CCDC112: variants seen among roughly 807,000 people sequenced by gnomAD.
CCDC112 encodes the protein coiled-coil domain containing 112.
Under a neutral mutation model 66.3 loss-of-function variants are expected in CCDC112, and 40 were observed. That is an observed-to-expected ratio of 0.60 (90% CI 0.47 to 0.79). The LOEUF is 0.79. CCDC112 is among the 30% of genes least tolerant of loss of function. The pLI, the probability that CCDC112 is intolerant of heterozygous loss-of-function variation, is 0.00. For synonymous variants in CCDC112, 214 were observed against 197.2 expected (o/e 1.09, Z -0.71); for missense variants, 659 against 603.8 (o/e 1.09, Z -0.96).
chr5:115,268,981 C>G lies in CCDC112; in HGVS notation c.1448G>C (p.Arg483Thr), dbSNP rs2127047922. The part of the protein sequence containing the change: ...LKEKVENNVS[R>T]DPSRLYKPTK... ...GGGTTTGTAAAGCCTAGAGGGATCT[C>G]TACTAACATTGTTTTCAACCTGTAA... The change falls in exon 9 of 10, where the codon AGA (arginine) becomes ACA (threonine). Residue 483 changes from arginine to threonine, a missense_variant. Arg to Thr is a moderately conservative substitution (Grantham distance 71). Coordinates refer to ENST00000379611, the MANE Select transcript of CCDC112 (RefSeq NM_001040440.3). 2.5e-6 allele frequency: 4 copies of G among 1,591,370 alleles called. No individual in the cohort carries two copies. Among genetic ancestry groups the G allele is most frequent in the Non-Finnish European group, 3.4e-6 (4 of 1,169,496 alleles).
chr5:115,285,194 A>G (rs1395360706), intron 1 of CCDC112, among the ~76,000 whole-genome samples: 2 of 152,202 alleles, frequency 1.3e-5, no homozygotes, highest in Non-Finnish European at 2.9e-5. Flanking sequence ...TGTATTGAAC[A>G]CTATGAAGTG....
chr5:115,283,388 C>G (rs1749537408), intron 2 of CCDC112, among the ~76,000 whole-genome samples: 1 of 152,060 alleles, frequency 6.6e-6, no homozygotes, highest in Admixed American at 6.6e-5. Flanking sequence ...CATTGTCTGT[C>G]TTTCTGTGTA....
At chr5:115,268,810 T>C (rs1241101387) in intron 9 of CCDC112, 72 bp downstream of exon 9, 2 of 651,032 alleles carry the variant, frequency 3.1e-6, no homozygotes, top group South Asian at 5.9e-5. Context: ...AATTTACATA[T>C]AGTAAGTGCA....
chr5:115,283,182 G>A (rs1251812321), intron 2 of CCDC112, among the ~76,000 whole-genome samples: 3 of 152,088 alleles, frequency 2.0e-5, no homozygotes, highest in African/African-American at 4.8e-5. Context: ...CATACAATAC[G>A]TTATTATTAA....
At chr5:115,277,090 G>C in intron 3 of CCDC112, 36 bp from the exon 4 acceptor site, 1 of 1,229,158 alleles carries the variant, frequency 8.1e-7, no homozygotes, top group Non-Finnish European at 1.2e-6. Flanking sequence ...AAATAATTCT[G>C]TGACAAATGT....
chr5:115,287,980 G>GC (rs1231986569), intron 1 of CCDC112, among the ~76,000 whole-genome samples: 1 of 151,576 alleles, frequency 6.6e-6, no homozygotes, highest in African/African-American at 2.4e-5. Context: ...AATCTAAAAT[G>GC]CCTTTTTTTT....
chr5:115,269,979 C>G (rs1748932268), intron 7 of CCDC112, among the ~76,000 whole-genome samples, 181 bp from the exon 8 acceptor site: 1 of 152,018 alleles, frequency 6.6e-6, no homozygotes, highest in Non-Finnish European at 1.5e-5. Context: ...ATGCACATCC[C>G]TTCTGTATTA....
chr5:115,268,791 G>T, intron 9 of CCDC112, 91 bp downstream of exon 9: 1 of 484,782 alleles, frequency 2.1e-6, no homozygotes, highest in South Asian at 5.9e-5. Flanking sequence ...ATATATATAT[G>T]AAAAATATAA....
chr5:115,275,630 G>C (rs1462699613), intron 5 of CCDC112, 24 bp from the exon 6 acceptor site: 2 of 1,464,728 alleles, frequency 1.4e-6, no homozygotes, highest in Non-Finnish European at 1.9e-6. Context: ...AATAAAGTTT[G>C]AATAAGAAGA....
chr5:115,278,668 T>C (rs562598605), intron 3 of CCDC112, among the ~76,000 whole-genome samples: 1 of 152,002 alleles, frequency 6.6e-6, no homozygotes, highest in African/African-American at 2.4e-5. Flanking sequence ...TAAAGAAATA[T>C]TGAATCAGGG....
rs578146820 is a variant in CCDC112 at position 115,295,825 on chromosome 5, G to A, written c.117+602C>T. On this transcript the variant is annotated intron_variant, in intron 1 of 9. Transcript: ENST00000379611. ...ATGGGGAAAAATAAAACCAGAAACA[G>A]GGACTGGGTGTGCCGCGTAAGGCGA... The A allele has an allele frequency of 1.5e-4, 137 of 887,924 alleles. No homozygotes were observed. In the African/African-American group the frequency reaches 2.3e-3, roughly 15 times the overall value. 55.0% of individuals were successfully genotyped at this position (887,924 alleles called of 1,614,324 possible).
chr5:115,295,950 T>C (rs1057322440), intron 1 of CCDC112: 3 of 986,040 alleles, frequency 3.0e-6, no homozygotes, highest in East Asian at 1.1e-4. Context: ...AGCCGATCAC[T>C]GGAAACACCT....
chr5:115,285,262 G>A (rs566263542), intron 1 of CCDC112, among the ~76,000 whole-genome samples: 2 of 152,290 alleles, frequency 1.3e-5, no homozygotes, highest in South Asian at 4.1e-4. Flanking sequence ...TATGGTCCCT[G>A]TCTGAAGGTC....
At chr5:115,291,889 T>C (rs572563697) in intron 1 of CCDC112, among the ~76,000 whole-genome samples, 30 of 152,290 alleles carry the variant, frequency 2.0e-4, no homozygotes, top group African/African-American at 6.0e-4. Context: ...GAATTCCTTA[T>C]ATGTAATGAA....
Position 115,296,549 on chromosome 5 carries a change from C to A in CCDC112, c.-6G>T. Reference sequence around the variant, plus strand: ...ACCGTCGTCAGTGCGGCCATGTTTACCCGCCGAGCTACTCGGGCCGCGGCG... The same window carrying A: ...ACCGTCGTCAGTGCGGCCATGTTTAACCGCCGAGCTACTCGGGCCGCGGCG... On this transcript the variant is annotated 5_prime_UTR_variant, in exon 1 of 10. Coordinates refer to ENST00000379611, the MANE Select transcript of CCDC112 (RefSeq NM_001040440.3). The A allele has an allele frequency of 6.7e-7, 1 of 1,486,862 alleles. No homozygotes were observed. The allele number at this position is 1,486,862 out of a possible 1,614,324, so 92.1% of individuals were successfully genotyped here.
intron 8 of CCDC112, 53 bp from the exon 9 acceptor site, chr5:115,269,053 T>A: frequency 9.7e-7 from 1 of 1,027,432 alleles, no homozygotes; most frequent in Non-Finnish European, 1.4e-6. Context: ...CAGTTTGTAC[T>A]AGTAAATAAG....
In CCDC112 at chr5:115,269,732, G is replaced by C; in HGVS notation, c.1399C>G (p.Gln467Glu). 6.3e-7 allele frequency: 1 copy of C among 1,599,518 alleles called. No homozygotes were observed. Among genetic ancestry groups the C allele is most frequent in the African/African-American group, 1.4e-5 (1 of 74,014 alleles). Residue 467 changes from glutamine to glutamate, a missense_variant, in exon 8 of 10, where the codon CAA (glutamine) becomes GAA (glutamate). Physicochemically the swap from Gln to Glu is conservative, Grantham distance 29. Coordinates refer to ENST00000379611, the MANE Select transcript of CCDC112 (RefSeq NM_001040440.3). The stretch of plus-strand genomic sequence containing the variant: ...TCTTTTAATTTTGCCAGTCTTCTTT[G>C]TTTTTGTGACTTTTCATCTTCCTTT... ...QAKEDEKSQKQRRLAKLKEKV... is the reference protein window; with the variant it reads ...QAKEDEKSQKERRLAKLKEKV...
At chr5:115,293,214 T>C (rs1342067634) in intron 1 of CCDC112, among the ~76,000 whole-genome samples, 3 of 152,114 alleles carry the variant, frequency 2.0e-5, no homozygotes, top group Admixed American at 6.5e-5. Flanking sequence ...GGTCAAACGG[T>C]GCAAAGTTTC....
At chr5:115,296,037 C>T (rs889883544) in intron 1 of CCDC112, 1 of 997,606 alleles carries the variant, frequency 1.0e-6, no homozygotes. Context: ...CCACCAATTA[C>T]TGAGCACAGA....
Sources: allele counts gnomAD v4.1 joint callset (sites outside exome capture counted in the v4.1 genomes callset), GRCh38; gene constraint gnomAD v4.1.1; transcripts MANE v1.5; gene names NCBI Gene and HGNC (gene_info 2026-07-23, HGNC 2026-07-21).